ZNF469: variants seen among roughly 807,000 people sequenced by gnomAD.
The protein encoded by ZNF469 is zinc finger protein 469.
In ZNF469, 1 loss-of-function variant was observed where a neutral mutation model predicts 1.0. The ratio of observed to expected loss-of-function variants is 1.00; its 90% CI spans 0.35 to 4.73. The LOEUF is 4.73. Among genes scored for constraint, ZNF469 ranks in the 30% most tolerant of loss-of-function variants. The pLI, the probability that ZNF469 is intolerant of heterozygous loss-of-function variation, is 0.16. For synonymous variants in ZNF469, 2,703 were observed against 2,363.4 expected, an observed-to-expected ratio of 1.14 and a Z score of -4.17; for missense variants, 6,100 against 5,356.3, an observed-to-expected ratio of 1.14 and a Z score of -4.33.
chr16:88,436,967 G>T lies in ZNF469; in HGVS notation c.9497G>T (p.Arg3166Met). The change falls in exon 3 of 3, where the codon AGG (arginine) becomes ATG (methionine). Residue 3166 changes from arginine (R) to methionine (M), a missense_variant. By Grantham distance (91) the Arg-to-Met change is moderately conservative. Coordinates refer to ENST00000565624, the MANE Select transcript of ZNF469 (RefSeq NM_001367624.2). ...CTGCTGCGGGGGCACCTGCAGGAGA[G>T]GCACGCGCAGAGCAAGGCCGGGCCC... ...RELLRGHLQE[R>M]HAQSKAGPWA... The T allele has an allele frequency of 6.6e-7, 1 of 1,505,508 alleles. No individual in the cohort carries two copies. Among genetic ancestry groups the T allele is most frequent in the Non-Finnish European group, 8.9e-7 (1 of 1,128,858 alleles). 93.3% of individuals were successfully genotyped at this position (1,505,508 alleles called of 1,614,324 possible).
chr16:88,353,757 G>A, the ZNF469 span, among the ~76,000 whole-genome samples: 1,608 of 152,346 alleles, frequency 0.011, 22 homozygotes, highest in African/African-American at 0.036. Context: ...CAGATGCAGG[G>A]AAGATGAGCC....
chr16:88,259,253 C>T, the ZNF469 span, among the ~76,000 whole-genome samples: 1 of 144,420 alleles, frequency 6.9e-6, no homozygotes, highest in Non-Finnish European at 1.5e-5. This position sits in a 1 kb window ranked among gnomAD's most constrained non-coding sequence, Gnocchi z 4.1. Flanking sequence ...CGACCCACCC[C>T]CCGCCCCCCC....
chr16:88,266,142 A>T, the ZNF469 span, among the ~76,000 whole-genome samples: 1 of 152,232 alleles, frequency 6.6e-6, no homozygotes, highest in African/African-American at 2.4e-5. Flanking sequence ...ACTGAGGGTC[A>T]GCAGCGTGTG....
the ZNF469 span, among the ~76,000 whole-genome samples, chr16:88,366,416 CCAT>C: frequency 2.7e-5 from 4 of 150,004 alleles, no homozygotes; most frequent in Non-Finnish European, 4.4e-5. Context: ...ACCAACACCA[CCAT>C]CATCACTATT....
chr16:88,353,686 C>A, the ZNF469 span, among the ~76,000 whole-genome samples: 1 of 152,334 alleles, frequency 6.6e-6, no homozygotes, highest in East Asian at 1.9e-4. Context: ...CAGAATGTGA[C>A]CTCTCTGGAA....
chr16:88,309,194 G>A, the ZNF469 span, among the ~76,000 whole-genome samples: 1 of 152,254 alleles, frequency 6.6e-6, no homozygotes, highest in African/African-American at 2.4e-5. Context: ...CCTCTCAGGG[G>A]AAGGAGGAAG....
chr16:88,115,032 C>T, the ZNF469 span, among the ~76,000 whole-genome samples: 5 of 152,214 alleles, frequency 3.3e-5, no homozygotes, highest in African/African-American at 1.2e-4. Context: ...CAACCACCAA[C>T]CCTCCAGGTC....
At chr16:88,273,997 G>T in the ZNF469 span, among the ~76,000 whole-genome samples, 2 of 152,094 alleles carry the variant, frequency 1.3e-5, no homozygotes, top group African/African-American at 4.8e-5. Flanking sequence ...TAGAGACGGG[G>T]TTTCACCATA....
rs1029183395 is a variant in ZNF469 at position 88,429,196 on chromosome 16, C to A, written c.1726C>A (p.Pro576Thr). ...AQPQVSPHGT[P>T]SLPPPRVVGA... ...GCCCCAGGTTTCACCCCACGGGACA[C>A]CCAGCCTGCCCCCACCGAGGGTAGT... The change falls in exon 3 of 3, where the codon CCC (proline) becomes ACC (threonine). Residue 576 changes from proline to threonine, a missense_variant. Physicochemically the swap from Pro to Thr is conservative, Grantham distance 38. Coordinates refer to ENST00000565624, the MANE Select transcript of ZNF469 (RefSeq NM_001367624.2). 14 of 1,549,768 alleles carry A rather than the reference C, an allele frequency of 9.0e-6. No homozygotes were observed. The African/African-American group carries it at 1.8e-4, about 20-fold the overall frequency.
At chr16:88,329,338 GAC>G in the ZNF469 span, among the ~76,000 whole-genome samples, 1 of 152,228 alleles carries the variant, frequency 6.6e-6, no homozygotes, top group East Asian at 1.9e-4. Flanking sequence ...TCCAGATGTG[GAC>G]ACAGCTAGCC....
the ZNF469 span, among the ~76,000 whole-genome samples, chr16:88,251,646 C>T: frequency 6.3e-5 from 9 of 142,470 alleles, no homozygotes; most frequent in African/African-American, 2.3e-4. Context: ...GCAACCTCCA[C>T]CTCCCGGGTT....
chr16:88,325,846 T>TGGGG, the ZNF469 span, among the ~76,000 whole-genome samples: 3 of 152,192 alleles, frequency 2.0e-5, no homozygotes, highest in Admixed American at 6.5e-5. Context: ...GCATCCCAGA[T>TGGGG]GGGGCTGCAG....
chr16:88,382,812 G>A (rs1271883096), upstream of ZNF469, among the ~76,000 whole-genome samples: 1 of 152,174 alleles, frequency 6.6e-6, no homozygotes, highest in African/African-American at 2.4e-5. Flanking sequence ...TGAAGAGGGG[G>A]TTCAGGGAGC....
chr16:88,347,436 G>A, the ZNF469 span, among the ~76,000 whole-genome samples: 6 of 152,242 alleles, frequency 3.9e-5, no homozygotes, highest in Admixed American at 6.5e-5. Flanking sequence ...ACGGTCACAC[G>A]TAGACACCCG....
At chr16:88,204,567 A>C in the ZNF469 span, among the ~76,000 whole-genome samples, 1 of 152,270 alleles carries the variant, frequency 6.6e-6, no homozygotes, top group African/African-American at 2.4e-5. Flanking sequence ...AAGCTTCTAA[A>C]GGATTTTCTC....
At chr16:88,150,834 T>C in the ZNF469 span, among the ~76,000 whole-genome samples, 1 of 151,520 alleles carries the variant, frequency 6.6e-6, no homozygotes, top group African/African-American at 2.4e-5. Flanking sequence ...AGAAGCGCCG[T>C]GGGGTTCCGG....
the ZNF469 span, among the ~76,000 whole-genome samples, chr16:88,183,954 C>T: frequency 1.3e-5 from 2 of 151,992 alleles, no homozygotes; most frequent in Non-Finnish European, 2.9e-5. Flanking sequence ...TCGCGTCTTC[C>T]TGGGGCTCTT....
the ZNF469 span, among the ~76,000 whole-genome samples, chr16:88,105,230 G>T: frequency 6.6e-6 from 1 of 152,046 alleles, no homozygotes; most frequent in African/African-American, 2.4e-5. Flanking sequence ...CACAAAAAAG[G>T]AAAGAGGAGT....
At chr16:88,319,512 G>A in the ZNF469 span, among the ~76,000 whole-genome samples, 4 of 152,112 alleles carry the variant, frequency 2.6e-5, no homozygotes, top group African/African-American at 7.2e-5. Flanking sequence ...TGATGCGCCC[G>A]GGTCCTGCCA....
Sources: allele counts gnomAD v4.1 joint callset (sites outside exome capture counted in the v4.1 genomes callset), GRCh38; gene constraint gnomAD v4.1.1; non-coding constraint Gnocchi (gnomAD v3.1); transcripts MANE v1.5; gene names NCBI Gene and HGNC (gene_info 2026-07-23, HGNC 2026-07-21).